The following CSMD1 variants were observed in gnomAD, a reference collection of about 807,000 sequenced individuals.
CSMD1 encodes CUB and sushi domain-containing protein 1.
CSMD1 carries 213 observed loss-of-function variants against 417.5 expected under a neutral mutation model. The observed-to-expected ratio is 0.51, with a 90% CI of 0.46 to 0.57. The LOEUF (loss-of-function observed/expected upper bound fraction) is 0.57. CSMD1 is among the 20% of genes least tolerant of loss of function. The pLI is 0.00. For missense variants in CSMD1, 6,923 were observed against 4,529.7 expected (o/e 1.53, Z -15.17); for synonymous variants, 2,862 against 1,736.8 (o/e 1.65, Z -16.11).
At chr8:4,815,154 C>A (rs915228129) in intron 1 of CSMD1, among the ~76,000 whole-genome samples, 2 of 151,984 alleles carry the variant, frequency 1.3e-5, no homozygotes, top group African/African-American at 2.4e-5. Context: ...AGAGTTGGAA[C>A]GTGTAATAAT....
intron 3 of CSMD1, among the ~76,000 whole-genome samples, chr8:4,330,869 G>GA (rs1799831725): frequency 1.3e-5 from 2 of 152,184 alleles, no homozygotes; most frequent in South Asian, 4.1e-4. Flanking sequence ...AGCTCAGCAG[G>GA]AATGTCAGTT....
intron 57 of CSMD1, among the ~76,000 whole-genome samples, chr8:2,971,662 A>G (rs1804467454): frequency 1.3e-5 from 2 of 152,190 alleles, no homozygotes; most frequent in South Asian, 4.1e-4. Context: ...TTGGTGAGAA[A>G]ACATTGCTCT....
At chr8:4,193,496 T>C (rs190958096) in intron 3 of CSMD1, among the ~76,000 whole-genome samples, 12 of 152,002 alleles carry the variant, frequency 7.9e-5, no homozygotes, top group African/African-American at 2.4e-4. Context: ...AAGGTGACGA[T>C]GGCTTCAGTC....
chr8:3,708,405 G>T lies in CSMD1; in HGVS notation c.1009+9C>A. The T allele has an allele frequency of 6.2e-7, 1 of 1,612,398 alleles. No individual in the cohort carries two copies. Among genetic ancestry groups the T allele is most frequent in the Non-Finnish European group, 8.5e-7 (1 of 1,178,436 alleles). On this transcript the variant is annotated intron_variant, in intron 7 of 69. Transcript: ENST00000635120. ...TATCAATCCTCAGATAGAAAGGAAA[G>T]GGACTCACAGACAGAGTTTTTATGG...
intron 3 of CSMD1, among the ~76,000 whole-genome samples, chr8:4,328,940 T>C (rs1012765921): frequency 6.6e-6 from 1 of 152,236 alleles, no homozygotes; most frequent in African/African-American, 2.4e-5. Context: ...GTTTTTGCAA[T>C]GCATTTGCAA....
At chr8:3,128,877 C>G in intron 41 of CSMD1, 2 of 455,396 alleles carry the variant, frequency 4.4e-6, no homozygotes, top group Non-Finnish European at 8.8e-6. Flanking sequence ...CATGGGAAAG[C>G]AGGACCAATG....
chr8:4,218,359 G>C (rs1345695624), intron 3 of CSMD1, among the ~76,000 whole-genome samples: 1 of 152,054 alleles, frequency 6.6e-6, no homozygotes, highest in Non-Finnish European at 1.5e-5. Flanking sequence ...ATTTTGTTTG[G>C]TCATTTCTAA....
At chr8:3,900,714 G>A (rs967920502) in intron 5 of CSMD1, among the ~76,000 whole-genome samples, 1 of 151,800 alleles carries the variant, frequency 6.6e-6, no homozygotes, top group African/African-American at 2.4e-5. Context: ...GGATGACTGT[G>A]TAGCTGGGTG....
At chr8:4,040,611 G>A (rs994529591) in intron 3 of CSMD1, among the ~76,000 whole-genome samples, 1 of 152,166 alleles carries the variant, frequency 6.6e-6, no homozygotes, top group Non-Finnish European at 1.5e-5. Context: ...GGATTGGGGA[G>A]ACTTACGATG....
intron 42 of CSMD1, among the ~76,000 whole-genome samples, chr8:3,117,343 T>C (rs1015471404): frequency 1.3e-5 from 2 of 152,226 alleles, no homozygotes; most frequent in East Asian, 3.9e-4. Context: ...AGTGTGTTTG[T>C]AGTTATTTTT....
chr8:4,676,870 C>T (rs550840345), intron 1 of CSMD1, among the ~76,000 whole-genome samples: 1 of 149,604 alleles, frequency 6.7e-6, no homozygotes, highest in Non-Finnish European at 1.5e-5. Context: ...GAGAGATATA[C>T]ATATTTTATA....
At chr8:4,545,565 G>T (rs746676865) in intron 2 of CSMD1, among the ~76,000 whole-genome samples, 2 of 152,136 alleles carry the variant, frequency 1.3e-5, no homozygotes, top group South Asian at 2.1e-4. Context: ...AAAATGAAAG[G>T]TTCTTTGGGT....
At chr8:4,899,199 C>T (rs534866169) in intron 1 of CSMD1, among the ~76,000 whole-genome samples, 16 of 152,250 alleles carry the variant, frequency 1.1e-4, no homozygotes, top group Admixed American at 5.2e-4. Context: ...TATGTCCTAT[C>T]GGAAGAAACA....
chr8:3,556,681 T>C (rs181994832), intron 10 of CSMD1, among the ~76,000 whole-genome samples: 294 of 152,088 alleles, frequency 1.9e-3, no homozygotes, highest in African/African-American at 4.3e-3. Context: ...TGCGTCTCTC[T>C]ACTGTAAGCA....
chr8:3,343,285 G>T lies in CSMD1; in HGVS notation c.3631+9C>A. The T allele has an allele frequency of 2.5e-6, 4 of 1,610,948 alleles. No individual in the cohort carries two copies. Among genetic ancestry groups the T allele is most frequent in the Non-Finnish European group, 3.4e-6 (4 of 1,177,358 alleles). ...AAAAAAGAACGTGATTAAGTCGTAT[G>T]TTACTTACTGGTATAGGTGAGTTGA... On this transcript the variant is annotated intron_variant, in intron 23 of 69. Transcript: ENST00000635120.
intron 5 of CSMD1, among the ~76,000 whole-genome samples, chr8:3,797,743 T>G (rs1800238299): frequency 6.6e-6 from 1 of 151,962 alleles, no homozygotes; most frequent in African/African-American, 2.4e-5. Context: ...ACAAAATATT[T>G]TGTGGACACG....
At chr8:4,817,669 A>T (rs17071546) in intron 1 of CSMD1, among the ~76,000 whole-genome samples, 34,887 of 152,220 alleles carry the variant, frequency 0.23, 4,447 homozygotes, top group East Asian at 0.29. Flanking sequence ...TACAGGGCAG[A>T]TGTATCAAAA....
At chr8:4,005,464 G>A (rs1382088523) in intron 4 of CSMD1, among the ~76,000 whole-genome samples, 4 of 152,142 alleles carry the variant, frequency 2.6e-5, no homozygotes, top group African/African-American at 9.7e-5. Context: ...CAACATGGTG[G>A]CCGACATGAA....
At chr8:3,510,240 T>C (rs934050869) in intron 10 of CSMD1, among the ~76,000 whole-genome samples, 1 of 151,846 alleles carries the variant, frequency 6.6e-6, no homozygotes, top group Non-Finnish European at 1.5e-5. Context: ...GGCCGACTCC[T>C]GCCTTCTGCG....
Sources: allele counts gnomAD v4.1 joint callset (sites outside exome capture counted in the v4.1 genomes callset), GRCh38; gene constraint gnomAD v4.1.1; transcripts MANE v1.5; gene names NCBI Gene and HGNC (gene_info 2026-07-23, HGNC 2026-07-21).